Variants in ADCY8 observed in about 807,000 individuals in gnomAD.
The protein encoded by ADCY8 is adenylate cyclase 8, also known as adenylate cyclase type 8.
In ADCY8, 51 loss-of-function variants were observed where a neutral mutation model predicts 119.7. The observed-to-expected ratio is 0.43, with a 90% CI of 0.34 to 0.54. The LOEUF is 0.54. Ranked by LOEUF, ADCY8 falls within the 20% of genes least tolerant of loss-of-function variation. The pLI, the probability that ADCY8 is intolerant of heterozygous loss-of-function variation, is 0.03. For synonymous variants in ADCY8, 665 were observed against 651.0 expected (o/e 1.02, Z -0.33); for missense variants, 1,383 against 1,598.8 (o/e 0.87, Z 2.30).
At chr8:130,822,961 G>T (rs889091702) in intron 12 of ADCY8, among the ~76,000 whole-genome samples, 1 of 152,164 alleles carries the variant, frequency 6.6e-6, no homozygotes, top group African/African-American at 2.4e-5. Flanking sequence ...ACATCATCTT[G>T]CTCATGGTGG....
intron 14 of ADCY8, among the ~76,000 whole-genome samples, chr8:130,809,238 G>A (rs928034202): frequency 1.3e-5 from 2 of 152,144 alleles, no homozygotes; most frequent in Non-Finnish European, 1.5e-5. Context: ...TTGGTGTTAC[G>A]CATACCTGGG....
intron 12 of ADCY8, among the ~76,000 whole-genome samples, chr8:130,829,849 T>G (rs578098554): frequency 6.6e-6 from 1 of 152,360 alleles, no homozygotes; most frequent in Non-Finnish European, 1.5e-5. Flanking sequence ...CAGCAACATC[T>G]GGTGGAGGTA....
intron 11 of ADCY8, among the ~76,000 whole-genome samples, chr8:130,844,684 G>A (rs904209949): frequency 9.2e-5 from 14 of 152,142 alleles, no homozygotes; most frequent in African/African-American, 3.4e-4. Context: ...ACATGCACAC[G>A]TATATGCACA....
chr8:131,001,417 T>A (rs1186578421), intron 1 of ADCY8, among the ~76,000 whole-genome samples: 3 of 152,020 alleles, frequency 2.0e-5, no homozygotes, highest in Non-Finnish European at 4.4e-5. Flanking sequence ...CTGCTAGCCA[T>A]GTGAGTTTAG....
chr8:130,844,545 T>G (rs1817241178), intron 11 of ADCY8, among the ~76,000 whole-genome samples: 1 of 152,184 alleles, frequency 6.6e-6, no homozygotes, highest in Admixed American at 6.5e-5. Context: ...ATGAAGCGAT[T>G]TGCTTGGGGA....
At chr8:130,913,951 G>A (rs561589697) in intron 5 of ADCY8, among the ~76,000 whole-genome samples, 3 of 152,140 alleles carry the variant, frequency 2.0e-5, no homozygotes, top group African/African-American at 4.8e-5. Context: ...TCTCTGCATC[G>A]ATAAAATGTT....
chr8:130,963,081 C>T (rs927936676), intron 2 of ADCY8, among the ~76,000 whole-genome samples: 2 of 150,372 alleles, frequency 1.3e-5, no homozygotes, highest in Admixed American at 6.6e-5. Flanking sequence ...TTGGTAAGTG[C>T]GTAGTGAAGA....
intron 14 of ADCY8, among the ~76,000 whole-genome samples, chr8:130,810,024 A>C (rs1359768062): frequency 6.6e-6 from 1 of 152,218 alleles, no homozygotes; most frequent in Non-Finnish European, 1.5e-5. Flanking sequence ...GGCTTTGTGC[A>C]TCACACAACT....
intron 9 of ADCY8, among the ~76,000 whole-genome samples, chr8:130,858,080 T>G (rs1464790187): frequency 6.6e-6 from 1 of 152,248 alleles, no homozygotes; most frequent in East Asian, 1.9e-4. Context: ...CTAATAGTGT[T>G]TGATGGCATC....
chr8:130,943,688 C>CT (rs1243679637), intron 3 of ADCY8, among the ~76,000 whole-genome samples: 7 of 152,096 alleles, frequency 4.6e-5, no homozygotes, highest in Non-Finnish European at 8.8e-5. Context: ...ACAGGAAGCC[C>CT]TTTTTTCCTG....
At chr8:130,941,139 G>C (rs149099652) in intron 4 of ADCY8, among the ~76,000 whole-genome samples, 1 of 152,188 alleles carries the variant, frequency 6.6e-6, no homozygotes, top group Admixed American at 6.5e-5. Flanking sequence ...TTGTAATCAC[G>C]TAAGTAGTAC....
rs1819698513 is a variant in ADCY8 at position 130,904,058 on chromosome 8, A to G, written c.1641-16T>C. 4 of 1,605,236 alleles carry G rather than the reference A, an allele frequency of 2.5e-6. No homozygotes were observed. The highest frequency in any genetic ancestry group is 1.1e-5 in the South Asian group (1 of 89,676). ...GTGAATCCTCCTGTGTGTAGAAGGC[A>G]TAGGTCATTACACACTCCTGATGTT... On this transcript the variant is annotated splice_polypyrimidine_tract_variant and intron_variant, in intron 6 of 17. Transcript: ENST00000286355.
At chr8:130,818,713 T>A in intron 13 of ADCY8, among the ~76,000 whole-genome samples, 1 of 152,152 alleles carries the variant, frequency 6.6e-6, no homozygotes, top group African/African-American at 2.4e-5. Context: ...TGGGCAGGCT[T>A]GATCGGAGAT....
chr8:131,020,962 C>T (rs914001102), intron 1 of ADCY8, among the ~76,000 whole-genome samples: 1 of 152,070 alleles, frequency 6.6e-6, no homozygotes, highest in Non-Finnish European at 1.5e-5. Flanking sequence ...TCTCAAATCT[C>T]AAATATGGAG....
intron 1 of ADCY8, among the ~76,000 whole-genome samples, chr8:131,019,819 C>CTCTCTGTCTG: frequency 8.0e-6 from 1 of 124,702 alleles, no homozygotes; most frequent in African/African-American, 3.4e-5. Context: ...CTCTCTCTCT[C>CTCTCTGTCTG]TCTCTCTCTC....
chr8:130,832,567 C>T (rs796746316), intron 12 of ADCY8, among the ~76,000 whole-genome samples: 1 of 152,094 alleles, frequency 6.6e-6, no homozygotes, highest in Non-Finnish European at 1.5e-5. Context: ...TGGCTGAGTT[C>T]CTTCATTTCT....
intron 5 of ADCY8, among the ~76,000 whole-genome samples, chr8:130,917,293 A>G (rs980561976): frequency 2.0e-5 from 3 of 152,208 alleles, no homozygotes; most frequent in Admixed American, 2.0e-4. Flanking sequence ...TGACCCAAAC[A>G]GACAGATCAA....
chr8:130,813,715 CT>C (rs990216157), intron 14 of ADCY8, among the ~76,000 whole-genome samples: 15 of 152,104 alleles, frequency 9.9e-5, no homozygotes, highest in Admixed American at 2.0e-4. Flanking sequence ...CTTTGAGACC[CT>C]TTTTTCAATT....
At chr8:131,028,186 G>C (rs910456475) in intron 1 of ADCY8, among the ~76,000 whole-genome samples, 3 of 152,242 alleles carry the variant, frequency 2.0e-5, no homozygotes, top group African/African-American at 7.2e-5. Flanking sequence ...AAAAACAGGA[G>C]GAGAATTTGT....
Sources: allele counts gnomAD v4.1 joint callset (sites outside exome capture counted in the v4.1 genomes callset), GRCh38; gene constraint gnomAD v4.1.1; transcripts MANE v1.5; gene names NCBI Gene and HGNC (gene_info 2026-07-23, HGNC 2026-07-21).